BRWD3: variants seen among roughly 807,000 people sequenced by gnomAD.
BRWD3 encodes the protein bromodomain and WD repeat-containing protein 3.
BRWD3 carries 10 observed loss-of-function variants against 149.7 expected under a neutral mutation model. The observed-to-expected ratio is 0.07, with a 90% CI of 0.04 to 0.11. The LOEUF is 0.11. BRWD3 is among the 10% of genes least tolerant of loss of function. The pLI is 1.00. For synonymous variants in BRWD3, 504 were observed against 456.7 expected (o/e 1.10, Z -1.32); for missense variants, 940 against 1,373.2 (o/e 0.68, Z 4.99).
At chrX:80,802,128 T>C (rs1236491304) in intron 4 of BRWD3, among the ~76,000 whole-genome samples, 1 of 111,935 alleles carries the variant, frequency 8.9e-6, no homozygotes, top group Non-Finnish European at 1.9e-5. Flanking sequence ...AGTACTGTTT[T>C]ATATGCCCCT....
Position 80,675,595 on chromosome X carries a change from T to C in BRWD3, c.*1014A>G, listed in dbSNP as rs937989682. ...CTCTCAGCTTATAACTTATGGGGTA[T>C]TCATTCCTACTAAGCTTGTTCTATT... On this transcript the variant is annotated 3_prime_UTR_variant, in exon 41 of 41. Transcript: ENST00000373275. 2 of 112,081 alleles carry C rather than the reference T, an allele frequency of 1.8e-5. No homozygotes were observed. The highest frequency in any genetic ancestry group is 4.6e-3 in the Middle Eastern group (1 of 218). 9.2% of individuals were successfully genotyped at this position (112,081 alleles called of 1,213,427 possible).
At chrX:80,788,902 G>A (rs1229811850) in intron 6 of BRWD3, among the ~76,000 whole-genome samples, 1 of 111,907 alleles carries the variant, frequency 8.9e-6, no homozygotes, top group Non-Finnish European at 1.9e-5. Context: ...ATGAAGTATA[G>A]TCAGTCACAG....
intron 18 of BRWD3, 97 bp downstream of exon 18, chrX:80,719,388 TTTTA>T (rs1192783857): frequency 5.5e-5 from 44 of 801,336 alleles, no homozygotes; most frequent in Non-Finnish European, 6.6e-5. Context: ...ATAAAAAAGT[TTTTA>T]TTTATAAACG....
rs1384348235 is a variant in BRWD3, at chrX:80,723,739, T to C, written c.1650+9A>G. ...ATTATACTCTACAGCAAAATTTAAA[T>C]ATGCTAACCTTTTCGTAGTATTTAC... On this transcript the variant is annotated intron_variant, in intron 16 of 40. Transcript: ENST00000373275. 6 of 1,210,099 alleles carry C rather than the reference T, an allele frequency of 5.0e-6. No homozygotes were observed. In the South Asian group the frequency reaches 1.1e-4, roughly 21 times the overall value.
chrX:80,745,537 A>G (rs1428587594), intron 7 of BRWD3, 32 bp downstream of exon 7: 4 of 1,156,487 alleles, frequency 3.5e-6, no homozygotes, highest in South Asian at 1.9e-5. Context: ...GTAATTCTAT[A>G]TATGTTACCA....
At chrX:80,768,281 G>T (rs972693496) in intron 6 of BRWD3, among the ~76,000 whole-genome samples, 2 of 110,939 alleles carry the variant, frequency 1.8e-5, no homozygotes, top group Admixed American at 9.6e-5. Context: ...ATAATTGTCA[G>T]ATTCCCCAAG....
intron 6 of BRWD3, among the ~76,000 whole-genome samples, chrX:80,766,578 TGCATG>T (rs1318817033): frequency 8.9e-6 from 1 of 112,161 alleles, no homozygotes; most frequent in Non-Finnish European, 1.9e-5. Context: ...AGATCACTAA[TGCATG>T]GCTAGTGGGA....
At chrX:80,699,927 T>C (rs1329975985) in intron 25 of BRWD3, 30 bp downstream of exon 25, 2 of 1,082,847 alleles carry the variant, frequency 1.8e-6, no homozygotes, top group Middle Eastern at 2.4e-4. Flanking sequence ...GCTACTTCCA[T>C]TGCATAGCTT....
At position 80,676,801 on chromosome X, in the gene BRWD3, T is replaced by C. The variant is rs1417048384; in HGVS notation, c.5217A>G (p.Gly1739=). ...TAATTCGAGGCAGTCTACTGAAACG[T>C]CCTGAAAACATGGTATCAAATTCAT... ...ADDEFDTMFS[G]RFSRLPRIKT... is the part of the protein sequence containing the mutation. Residue 1739 remains glycine (G), a synonymous_variant, in exon 41 of 41, where the codon GGA becomes GGG. Coordinates refer to ENST00000373275, the MANE Select transcript of BRWD3 (RefSeq NM_153252.5). 8.3e-7 allele frequency: 1 copy of C among 1,209,103 alleles called. No homozygotes were observed. Among genetic ancestry groups the C allele is most frequent in the Non-Finnish European group, 1.1e-6 (1 of 894,983 alleles).
intron 20 of BRWD3, among the ~76,000 whole-genome samples, chrX:80,713,406 C>A (rs1026769642): frequency 3.6e-5 from 4 of 112,025 alleles, no homozygotes; most frequent in Non-Finnish European, 7.5e-5. Flanking sequence ...ACCCTGTGCT[C>A]TCTGAAACAT....
At chrX:80,753,306 G>T (rs2073695020) in intron 6 of BRWD3, among the ~76,000 whole-genome samples, 1 of 101,954 alleles carries the variant, frequency 9.8e-6, no homozygotes, top group Non-Finnish European at 2.0e-5. Flanking sequence ...AGTTTCACTC[G>T]TCACCCAGGC....
intron 4 of BRWD3, among the ~76,000 whole-genome samples, chrX:80,795,849 T>G (rs1274466197): frequency 9.0e-6 from 1 of 110,994 alleles, no homozygotes; most frequent in African/African-American, 3.3e-5. Context: ...GAGGATTGCT[T>G]GAGCCCACGA....
At chrX:80,713,317 T>TGG (rs2073020015) in intron 20 of BRWD3, among the ~76,000 whole-genome samples, 1 of 112,042 alleles carries the variant, frequency 8.9e-6, no homozygotes, top group South Asian at 3.7e-4. Context: ...GAAGTAGACA[T>TGG]GGGAGACTTT....
chrX:80,697,260 C>A (rs1032568964), intron 25 of BRWD3, among the ~76,000 whole-genome samples: 1 of 111,536 alleles, frequency 9.0e-6, no homozygotes, highest in East Asian at 2.8e-4. Flanking sequence ...TATATATGTA[C>A]GTGTACATGT....
At chrX:80,808,356 C>T (rs1269656351) in intron 4 of BRWD3, among the ~76,000 whole-genome samples, 183 bp downstream of exon 4, 3 of 108,922 alleles carry the variant, frequency 2.8e-5, no homozygotes, top group Non-Finnish European at 1.9e-5. Context: ...ACAAGCAGGG[C>T]CAAGGGGAGG....
In BRWD3 at chrX:80,751,412, A is replaced by G. The variant is rs61582359; in HGVS notation, c.431-5683T>C. 4.5e-5 allele frequency among the ~76,000 whole-genome samples: 5 copies of G among 111,899 alleles called. No individual in the cohort carries two copies. The East Asian group carries it at 1.4e-3, about 31-fold the overall frequency. On this transcript the variant is annotated intron_variant, in intron 6 of 40. Transcript: ENST00000373275. The stretch of plus-strand genomic sequence containing the variant: ...AATGAATAAATGAATGAAACAAACA[A>G]AAAGAGAAGGACAGCAAGAGCCAGA...
At chrX:80,714,310 C>G (rs1602342583) in intron 20 of BRWD3, among the ~76,000 whole-genome samples, 1 of 102,635 alleles carries the variant, frequency 9.7e-6, no homozygotes, top group East Asian at 3.1e-4. Flanking sequence ...TCACTGCAAC[C>G]TTGGCCTCCA....
chrX:80,723,642 T>A, intron 16 of BRWD3, 106 bp downstream of exon 16: 1 of 844,989 alleles, frequency 1.2e-6, no homozygotes, highest in Non-Finnish European at 1.7e-6. Context: ...TTTTATTTTG[T>A]ATCTATTGAC....
rs770627138 is a variant in BRWD3 at position 80,695,936 on chromosome X, A to G, written c.3123T>C (p.Asn1041=). 5 of 1,210,740 alleles carry G rather than the reference A, an allele frequency of 4.1e-6. No homozygotes were observed. The highest frequency in any genetic ancestry group is 4.3e-5 in the Admixed American group (2 of 46,026). ...IDFLVLHQFY[N]EAKERNWQIG... ...TCTGCCAGTTCCTTTCTTTGGCTTC[A>G]TTATAAAACTGATGTAGCACAAGGA... Residue 1041 remains asparagine, a synonymous_variant, in exon 27 of 41, where the codon AAT becomes AAC. Coordinates refer to ENST00000373275, the MANE Select transcript of BRWD3 (RefSeq NM_153252.5).
Sources: gnomAD v4.1 joint callset for allele counts (sites outside exome capture counted in the v4.1 genomes callset) on GRCh38, gnomAD v4.1.1 for gene constraint, MANE v1.5 for transcripts, NCBI Gene and HGNC (gene_info 2026-07-23, HGNC 2026-07-21) for gene names.